ABCA12: variants seen among roughly 807,000 people sequenced by gnomAD.
ABCA12 encodes glucosylceramide transporter ABCA12.
ABCA12 carries 156 observed loss-of-function variants against 293.5 expected under a neutral mutation model. The ratio of observed to expected loss-of-function variants is 0.53; its 90% CI spans 0.47 to 0.61. The LOEUF is 0.61. Ranked by LOEUF, ABCA12 falls within the 20% of genes least tolerant of loss-of-function variation. The pLI is 0.00. For synonymous variants in ABCA12, 1,063 were observed against 1,108.0 expected (o/e 0.96, Z 0.81); for missense variants, 2,797 against 3,090.2 (o/e 0.91, Z 2.25).
chr2:214,970,290 A>G lies in ABCA12; in HGVS notation c.5673T>C (p.Asn1891=). The G allele has an allele frequency of 6.2e-7, 1 of 1,612,442 alleles. No homozygotes were observed. The highest frequency in any genetic ancestry group is 8.5e-7 in the Non-Finnish European group (1 of 1,179,184). The change falls in exon 37 of 53, where the codon AAT becomes AAC. Residue 1891 remains asparagine, a synonymous_variant. Coordinates refer to ENST00000272895, the MANE Select transcript of ABCA12 (RefSeq NM_173076.3). ...TATTTTACCTTTTTTGGACAAACTC[A>G]TTTGCAGTTGATATAAGATAATTTT... is the stretch of plus-strand genomic sequence containing the variant. The part of the protein sequence containing the change: ...RVENYLISTA[N]EFVQKRYGGW...
chr2:214,933,255 A>C (rs1698116462), intron 52 of ABCA12, among the ~76,000 whole-genome samples: 1 of 152,166 alleles, frequency 6.6e-6, no homozygotes, highest in Non-Finnish European at 1.5e-5. Flanking sequence ...ACTTTGTTTA[A>C]AGTCATTAAA....
At chr2:215,075,670 T>C (rs1354161987) in intron 2 of ABCA12, 1 of 630,128 alleles carries the variant, frequency 1.6e-6, no homozygotes, top group Admixed American at 3.0e-5. Flanking sequence ...ATGAAGATTA[T>C]GTTTGGAAAT....
chr2:215,091,360 C>A (rs539280008), intron 2 of ABCA12, among the ~76,000 whole-genome samples: 1 of 152,154 alleles, frequency 6.6e-6, no homozygotes, highest in Non-Finnish European at 1.5e-5. Context: ...AACTAGCCCT[C>A]CCCAACCTGC....
In ABCA12 at chr2:214,952,734, C is replaced by G. The variant is rs1698818435; in HGVS notation, c.6647+1120G>C. The stretch of plus-strand genomic sequence containing the variant: ...ATGTCCATTTGTTTGTTGAATAAAG[C>G]CCAAACCATATTTCTTTACCAAGCA... On this transcript the variant is annotated intron_variant, in intron 44 of 52. Coordinates refer to ENST00000272895, the MANE Select transcript of ABCA12 (RefSeq NM_173076.3). 2.0e-5 allele frequency among the ~76,000 whole-genome samples: 3 copies of G among 152,172 alleles called. No homozygotes were observed. The South Asian group carries it at 6.2e-4, about 32-fold the overall frequency.
rs148717247 is a variant in ABCA12 at position 215,102,470 on chromosome 2, G to A, written c.163+9127C>T. ...AAAAATTAGCTGGGCATGATGGCGC[G>A]CACCTGTAGTCCCAGCTGTTTGGGA... On this transcript the variant is annotated intron_variant, in intron 2 of 52. Transcript: ENST00000272895. Among the ~76,000 whole-genome samples, 505 of 152,194 alleles carry A rather than the reference G, an allele frequency of 3.3e-3. 4 individuals are homozygous for A. The highest frequency in any genetic ancestry group is 0.011 in the African/African-American group (454 of 41,534).
At chr2:214,973,841 C>T in intron 36 of ABCA12, 108 bp downstream of exon 36, 1 of 948,630 alleles carries the variant, frequency 1.1e-6, no homozygotes. Context: ...TACTAGCTTC[C>T]ATAAAATGAA....
intron 3 of ABCA12, among the ~76,000 whole-genome samples, chr2:215,061,919 T>C (rs1470337338): frequency 1.3e-5 from 2 of 152,216 alleles, no homozygotes; most frequent in East Asian, 3.9e-4. Context: ...GAGGGAACTA[T>C]AGTTGTCTAC....
chr2:214,969,360 C>T (rs1699335806), intron 37 of ABCA12, among the ~76,000 whole-genome samples: 1 of 151,896 alleles, frequency 6.6e-6, no homozygotes. Flanking sequence ...TTTTTAAAAT[C>T]CAAGTAGTAA....
chr2:214,935,327 G>A (rs1483956189), intron 51 of ABCA12, among the ~76,000 whole-genome samples: 2 of 152,176 alleles, frequency 1.3e-5, no homozygotes, highest in African/African-American at 4.8e-5. Flanking sequence ...CTGGTCCCAT[G>A]AGGAACAGAC....
chr2:215,125,015 A>C (rs933137313), intron 1 of ABCA12, among the ~76,000 whole-genome samples: 9 of 152,186 alleles, frequency 5.9e-5, no homozygotes, highest in Non-Finnish European at 1.3e-4. Flanking sequence ...TCATCCTCCT[A>C]CATGTGGCTA....
chr2:214,985,198 C>G (rs1310912141), intron 28 of ABCA12, among the ~76,000 whole-genome samples: 1 of 152,188 alleles, frequency 6.6e-6, no homozygotes, highest in Non-Finnish European at 1.5e-5. Flanking sequence ...AAAATTATAG[C>G]CTCTTCAAGA....
chr2:214,945,056 T>C lies in ABCA12; in HGVS notation c.7288A>G (p.Lys2430Glu), dbSNP rs1214511688. 1.2e-6 allele frequency: 2 copies of C among 1,613,832 alleles called. No homozygotes were observed. Among genetic ancestry groups the C allele is most frequent in the East Asian group, 2.2e-5 (1 of 44,856 alleles). The change falls in exon 49 of 53, where the codon AAG becomes GAG. Residue 2430 changes from lysine to glutamate, a missense_variant. Physicochemically the swap from Lys to Glu is moderately conservative, Grantham distance 56 (BLOSUM62 1). Transcript: ENST00000272895. ...TTCTGTACTTCTTCTGAAATGATCT[T>C]CCAGAGGTGCCGTTTCGACTTCGGA... The part of the protein sequence containing the change: ...MDPKSKRHLW[K>E]IISEEVQNKC...
chr2:215,097,250 G>GTT (rs922778706), intron 2 of ABCA12, among the ~76,000 whole-genome samples: 2 of 150,850 alleles, frequency 1.3e-5, no homozygotes, highest in Non-Finnish European at 3.0e-5. Flanking sequence ...TATCCTATTA[G>GTT]TTTTTTTTTG....
chr2:215,134,322 G>GTATA (rs747675451), intron 1 of ABCA12, among the ~76,000 whole-genome samples: 56 of 140,194 alleles, frequency 4.0e-4, no homozygotes, highest in Non-Finnish European at 7.2e-4. Flanking sequence ...GTGTATATAT[G>GTATA]TATATATGTA....
At chr2:214,944,803 T>C (rs74891360) in intron 49 of ABCA12, among the ~76,000 whole-genome samples, 198 bp downstream of exon 49, 309 of 152,194 alleles carry the variant, frequency 2.0e-3, no homozygotes, top group Non-Finnish European at 3.6e-3. Flanking sequence ...TATAAAATAG[T>C]TTGATTGAAC....
intron 7 of ABCA12, among the ~76,000 whole-genome samples, chr2:215,039,900 C>T (rs866926527): frequency 6.6e-6 from 1 of 151,962 alleles, no homozygotes; most frequent in Non-Finnish European, 1.5e-5. Context: ...TAATTTAGGT[C>T]TTTTACTGTA....
chr2:215,088,439 C>T (rs182148081), intron 2 of ABCA12, among the ~76,000 whole-genome samples: 13 of 152,222 alleles, frequency 8.5e-5, no homozygotes, highest in Admixed American at 3.9e-4. Flanking sequence ...CATTAGGCAA[C>T]GGCCAGTTTG....
chr2:214,966,925 G>C lies in ABCA12; in HGVS notation c.5807C>G (p.Ser1936Cys). Residue 1936 changes from serine (S) to cysteine (C), a missense_variant, in exon 39 of 53, where the codon TCC becomes TGC. Around this residue, in one of 3 missense-constraint regions of ABCA12, gnomAD observed 2,130 missense variants for 2,427.0 expected, o/e 0.88. Transcript: ENST00000272895. ...CAGGCTGTTGAGGTAAGCTGGAAGG[G>C]AGTGATAGCCTTCTGGATCATACCA... ...KVWYDPEGYH[S>C]LPAYLNSLNN... The C allele has an allele frequency of 6.2e-7, 1 of 1,613,764 alleles. No homozygotes were observed. Among genetic ancestry groups the C allele is most frequent in the Non-Finnish European group, 8.5e-7 (1 of 1,179,760 alleles).
rs555382144 is a variant in ABCA12, at chr2:214,955,657, C to A, written c.6234-296G>T. On this transcript the variant is annotated intron_variant, in intron 42 of 52. Coordinates refer to ENST00000272895, the MANE Select transcript of ABCA12 (RefSeq NM_173076.3). The stretch of plus-strand genomic sequence containing the variant: ...CCAGCCTGGGTGACAGAGTGAGATC[C>A]TGTCTCAGAAAAGAAATGCCTTAAT... Among the ~76,000 whole-genome samples the A allele has an allele frequency of 2.6e-5, 4 of 152,246 alleles. No homozygotes were observed. In the South Asian group the frequency reaches 8.3e-4, roughly 32 times the overall value.
Sources: allele counts gnomAD v4.1 joint callset (sites outside exome capture counted in the v4.1 genomes callset), GRCh38; gene constraint gnomAD v4.1.1; regional missense constraint gnomAD v4.1.1; transcripts MANE v1.5; gene names NCBI Gene and HGNC (gene_info 2026-07-23, HGNC 2026-07-21).